Variants in UBASH3B observed in about 807,000 individuals in gnomAD.
UBASH3B encodes the protein ubiquitin-associated and SH3 domain-containing protein B.
UBASH3B carries 37 observed loss-of-function variants against 83.4 expected under a neutral mutation model. The observed-to-expected ratio is 0.44, with a 90% CI of 0.34 to 0.58. The LOEUF (loss-of-function observed/expected upper bound fraction) is 0.58, where lower values mean the gene tolerates loss of function less well. Ranked by LOEUF, UBASH3B falls within the 20% of genes least tolerant of loss-of-function variation. The pLI is 0.01. For missense variants in UBASH3B, 657 were observed against 827.2 expected, an observed-to-expected ratio of 0.79 and a Z score of 2.52; for synonymous variants, 304 against 318.3, an observed-to-expected ratio of 0.96 and a Z score of 0.48.
At chr11:122,744,898 TGC>T (rs148530696) in intron 1 of UBASH3B, among the ~76,000 whole-genome samples, 15 of 107,926 alleles carry the variant, frequency 1.4e-4, no homozygotes, top group South Asian at 7.5e-4. Flanking sequence ...TGTGTGTGTG[TGC>T]GCGCGCGCGC....
intron 5 of UBASH3B, among the ~76,000 whole-genome samples, chr11:122,788,141 C>T (rs952242458): frequency 2.6e-5 from 4 of 152,206 alleles, no homozygotes; most frequent in African/African-American, 7.2e-5. Flanking sequence ...AAAGTAAGAA[C>T]GTTTTCTCCA....
rs916714405 is a variant in UBASH3B, at chr11:122,810,545, C to G, written c.*659C>G. 2.6e-5 allele frequency: 4 copies of G among 152,082 alleles called. No homozygotes were observed. Among genetic ancestry groups the G allele is most frequent in the South Asian group, 2.1e-4 (1 of 4,808 alleles). 9.4% of individuals were successfully genotyped at this position (152,082 alleles called of 1,614,324 possible). ...CCTTCTTGCTACAGCCCTATCCCCC[C>G]TCCTTGCTTCTGTGAAATGGGGAGA... On this transcript the variant is annotated 3_prime_UTR_variant, in exon 14 of 14. Transcript: ENST00000284273.
chr11:122,751,192 C>G (rs1206968013), intron 1 of UBASH3B, among the ~76,000 whole-genome samples: 2 of 152,218 alleles, frequency 1.3e-5, no homozygotes, highest in Non-Finnish European at 2.9e-5. Context: ...CACCTGGCAG[C>G]ATTTATCTTA....
chr11:122,760,733 C>A (rs1005014084), intron 1 of UBASH3B, among the ~76,000 whole-genome samples: 8 of 152,162 alleles, frequency 5.3e-5, no homozygotes, highest in Non-Finnish European at 8.8e-5. Context: ...AAGAAGGAGA[C>A]AGATGTGAGG....
chr11:122,656,253 G>C, intron 1 of UBASH3B, 43 bp downstream of exon 1: 1 of 1,358,036 alleles, frequency 7.4e-7, no homozygotes, highest in Non-Finnish European at 9.5e-7. Context: ...CCTCCCGCGC[G>C]CGCGGCCGGC....
At position 122,700,312 on chromosome 11, in the gene UBASH3B, G is replaced by GTTAC. The variant is rs377214048; in HGVS notation, c.161+44103_161+44106dup. ...CTCCTTTGTTTAGGCTCTGACCAGA[G>GTTAC]TTACACATGGTGAGTCCATTTTTAA... On this transcript the variant is annotated intron_variant, in intron 1 of 13. Transcript: ENST00000284273. Among the ~76,000 whole-genome samples, 418 of 152,286 alleles carry GTTAC rather than the reference G, an allele frequency of 2.7e-3. 3 individuals carry two copies. Among genetic ancestry groups the GTTAC allele is most frequent in the African/African-American group, 9.6e-3 (398 of 41,564 alleles).
At chr11:122,685,034 C>T (rs1344606748) in intron 1 of UBASH3B, among the ~76,000 whole-genome samples, 1 of 152,144 alleles carries the variant, frequency 6.6e-6, no homozygotes, top group Non-Finnish European at 1.5e-5. Context: ...TCACGGGCCG[C>T]GGGTCTGAAA....
chr11:122,717,812 C>A (rs1041445166), intron 1 of UBASH3B, among the ~76,000 whole-genome samples: 2 of 152,124 alleles, frequency 1.3e-5, no homozygotes, highest in Non-Finnish European at 2.9e-5. Context: ...CTGTTCCCTT[C>A]CCCTACTGTC....
chr11:122,787,569 G>C (rs970057799), intron 5 of UBASH3B, among the ~76,000 whole-genome samples: 4 of 152,024 alleles, frequency 2.6e-5, no homozygotes, highest in African/African-American at 9.7e-5. Context: ...ACATGTTCTG[G>C]TGTATCACCT....
intron 1 of UBASH3B, among the ~76,000 whole-genome samples, chr11:122,699,513 CTTTCTCTTTCTTTCTTTCTCTTTCTT>C (rs1188560111): frequency 3.6e-5 from 5 of 139,682 alleles, no homozygotes; most frequent in African/African-American, 5.3e-5. Flanking sequence ...TTCTTTCTTT[CTTTCTCTTTCTTTCTTTCTCTTTCTT>C]TCTTTCTTTC....
chr11:122,686,972 A>T (rs1591768940), intron 1 of UBASH3B, among the ~76,000 whole-genome samples: 1 of 151,598 alleles, frequency 6.6e-6, no homozygotes, highest in East Asian at 1.9e-4. Context: ...GGTTCAAGTG[A>T]TTCTCCTGCC....
intron 1 of UBASH3B, among the ~76,000 whole-genome samples, chr11:122,740,893 T>A (rs1036743371): frequency 4.6e-5 from 7 of 152,208 alleles, no homozygotes; most frequent in African/African-American, 1.2e-4. Flanking sequence ...TTTAGAGCAT[T>A]TTTTAGCAAA....
intron 1 of UBASH3B, among the ~76,000 whole-genome samples, 192 bp downstream of exon 1, chr11:122,656,402 C>A (rs1322117694): frequency 6.6e-6 from 1 of 152,068 alleles, no homozygotes; most frequent in Non-Finnish European, 1.5e-5. Context: ...GGGGAAGACG[C>A]GGCGCGGGGG....
At position 122,697,430 on chromosome 11, in the gene UBASH3B, G is replaced by A. The variant is rs748714788; in HGVS notation, c.161+41220G>A. 6.0e-4 allele frequency among the ~76,000 whole-genome samples: 92 copies of A among 152,176 alleles called. 1 individual carries two copies. Among genetic ancestry groups the A allele is most frequent in the Non-Finnish European group, 1.1e-3 (78 of 68,006 alleles). On this transcript the variant is annotated intron_variant, in intron 1 of 13. Coordinates refer to ENST00000284273, the MANE Select transcript of UBASH3B (RefSeq NM_032873.5). ...GCATGGGCTACAAGAGCAAAACTAC[G>A]TCTCAAATAAATAAATAAATAAAAT... is the stretch of plus-strand genomic sequence containing the variant.
At chr11:122,774,220 G>A (rs1565559869) in intron 1 of UBASH3B, 6 of 985,360 alleles carry the variant, frequency 6.1e-6, no homozygotes, top group East Asian at 1.1e-4. Context: ...TGTTCCAAGC[G>A]GAGCAGAGGG....
intron 11 of UBASH3B, among the ~76,000 whole-genome samples, chr11:122,804,858 G>T (rs1384466840): frequency 3.3e-5 from 5 of 152,162 alleles, no homozygotes; most frequent in Non-Finnish European, 1.5e-5. Context: ...TGACATAGTT[G>T]TACCCAGAAA....
chr11:122,702,046 C>T (rs1285383653), intron 1 of UBASH3B, among the ~76,000 whole-genome samples: 2 of 152,142 alleles, frequency 1.3e-5, no homozygotes, highest in African/African-American at 4.8e-5. Flanking sequence ...TCTTCCCTCC[C>T]AGTGAAGACG....
intron 1 of UBASH3B, among the ~76,000 whole-genome samples, chr11:122,666,671 C>A (rs1398106566): frequency 6.6e-6 from 1 of 152,176 alleles, no homozygotes; most frequent in East Asian, 1.9e-4. Flanking sequence ...CCCGCCTCGG[C>A]CTCCCAAAGT....
intron 1 of UBASH3B, among the ~76,000 whole-genome samples, chr11:122,734,704 T>A (rs1317733765): frequency 6.6e-6 from 1 of 151,858 alleles, no homozygotes; most frequent in Non-Finnish European, 1.5e-5. Context: ...TTAAGGCAAT[T>A]CCAGTAGAGT....
Sources: gnomAD v4.1 joint callset for allele counts (sites outside exome capture counted in the v4.1 genomes callset) on GRCh38, gnomAD v4.1.1 for gene constraint, MANE v1.5 for transcripts, NCBI Gene and HGNC (gene_info 2026-07-23, HGNC 2026-07-21) for gene names.